SHB: variants seen among roughly 807,000 people sequenced by gnomAD.
The protein encoded by SHB is SH2 domain-containing adapter protein B.
SHB carries 20 observed loss-of-function variants against 52.3 expected under a neutral mutation model. That is an observed-to-expected ratio of 0.38 (90% CI 0.27 to 0.56). The LOEUF (loss-of-function observed/expected upper bound fraction) is 0.56, where lower values mean the gene tolerates loss of function less well. Among genes scored for constraint, SHB ranks in the 20% least tolerant of loss-of-function variants. The probability of loss-of-function intolerance (pLI) is 0.71; values close to 1 mark genes in which losing one functional copy is unlikely to be tolerated. For synonymous variants in SHB, 397 were observed against 316.5 expected, an observed-to-expected ratio of 1.25 and a Z score of -2.70; for missense variants, 825 against 723.3, an observed-to-expected ratio of 1.14 and a Z score of -1.61.
chr9:37,984,531 A>C (rs762682416), intron 2 of SHB, among the ~76,000 whole-genome samples: 4 of 152,170 alleles, frequency 2.6e-5, no homozygotes, highest in Admixed American at 6.5e-5. Flanking sequence ...CAGGCTCCTT[A>C]ACTCCTGGAC....
chr9:37,950,327 G>A (rs943434007), intron 4 of SHB, among the ~76,000 whole-genome samples: 1 of 151,760 alleles, frequency 6.6e-6, no homozygotes, highest in African/African-American at 2.4e-5. Context: ...GTGTAGTGGT[G>A]TGATCACGGC....
chr9:38,066,008 G>A (rs1821956105), intron 1 of SHB, among the ~76,000 whole-genome samples: 1 of 152,112 alleles, frequency 6.6e-6, no homozygotes, highest in African/African-American at 2.4e-5. Context: ...GTAACACGAG[G>A]TCTCATCATA....
At chr9:38,052,988 T>C (rs1351599097) in intron 1 of SHB, among the ~76,000 whole-genome samples, 1 of 152,244 alleles carries the variant, frequency 6.6e-6, no homozygotes, top group Non-Finnish European at 1.5e-5. Flanking sequence ...AATGTGCCTA[T>C]GGGGAGTACC....
intron 1 of SHB, among the ~76,000 whole-genome samples, chr9:38,031,091 G>A (rs1262406189): frequency 2.6e-5 from 4 of 152,234 alleles, no homozygotes; most frequent in Non-Finnish European, 4.4e-5. Flanking sequence ...GGAAGCCAAG[G>A]TGGGAGCATC....
At chr9:37,961,851 G>A (rs1832695280) in intron 3 of SHB, among the ~76,000 whole-genome samples, 1 of 152,208 alleles carries the variant, frequency 6.6e-6, no homozygotes, top group Non-Finnish European at 1.5e-5. Flanking sequence ...GAGGCATGTA[G>A]GTGTCTTCTC....
rs979343075 is a variant in SHB, at chr9:37,916,429, A to G, written c.*3392T>C. On this transcript the variant is annotated 3_prime_UTR_variant, in exon 6 of 6. Transcript: ENST00000377707. ...TCAATGATATCACCACTTCTGAGAC[A>G]GCGTCTGGGGAGCTACCGGAACTTC... Among the ~76,000 whole-genome samples the G allele has an allele frequency of 6.6e-6, 1 of 152,214 alleles. No individual in the cohort carries two copies. The highest frequency in any genetic ancestry group is 1.5e-5 in the Non-Finnish European group (1 of 68,032).
At chr9:37,936,073 G>A (rs559909592) in intron 5 of SHB, among the ~76,000 whole-genome samples, 41 of 151,530 alleles carry the variant, frequency 2.7e-4, no homozygotes, top group East Asian at 1.2e-3. Context: ...ACAATTAGCC[G>A]GGCGTGGTGA....
intron 2 of SHB, among the ~76,000 whole-genome samples, chr9:37,978,209 G>A (rs969008170): frequency 6.6e-6 from 1 of 152,234 alleles, no homozygotes; most frequent in African/African-American, 2.4e-5. Context: ...AGGGAAACAT[G>A]TGCAGTGAAC....
chr9:38,038,094 C>T (rs1458028387), intron 1 of SHB, among the ~76,000 whole-genome samples: 1 of 152,228 alleles, frequency 6.6e-6, no homozygotes, highest in African/African-American at 2.4e-5. Flanking sequence ...CCTAACCCTG[C>T]TTTATAGCTT....
chr9:37,969,397 T>C (rs559122057), intron 3 of SHB, among the ~76,000 whole-genome samples: 60 of 152,320 alleles, frequency 3.9e-4, no homozygotes, highest in Non-Finnish European at 6.9e-4. Flanking sequence ...AGGGTGATTA[T>C]GAGGATTGAA....
At position 37,953,014 on chromosome 9, in the gene SHB, G is replaced by A. The variant is rs537613219; in HGVS notation, c.1226+2869C>T. 1.3e-5 allele frequency among the ~76,000 whole-genome samples: 2 copies of A among 152,092 alleles called. 1 individual carries two copies. Among genetic ancestry groups the A allele is most frequent in the South Asian group, 4.2e-4 (2 of 4,816 alleles). Reference sequence around the variant, plus strand: ...AACCCAGGGAGAGCACGTAGTTGGAGACTGAGCCCTGGAAAGTCAGACCTT... The same window carrying A: ...AACCCAGGGAGAGCACGTAGTTGGAAACTGAGCCCTGGAAAGTCAGACCTT... On this transcript the variant is annotated intron_variant, in intron 4 of 5. Coordinates refer to ENST00000377707, the MANE Select transcript of SHB (RefSeq NM_003028.3).
chr9:37,916,885 T>C lies in SHB; in HGVS notation c.*2936A>G, dbSNP rs1287048545. ...AGTGGGCAGGCATTATGGTCAATAA[T>C]AAAGCCAGCAAAGAAGGGAGACACA... On this transcript the variant is annotated 3_prime_UTR_variant, in exon 6 of 6. Transcript: ENST00000377707. Among the ~76,000 whole-genome samples the C allele has an allele frequency of 6.6e-6, 1 of 152,054 alleles. No homozygotes were observed. Among genetic ancestry groups the C allele is most frequent in the Non-Finnish European group, 1.5e-5 (1 of 68,008 alleles).
At chr9:37,945,981 A>T (rs1464585141) in intron 5 of SHB, among the ~76,000 whole-genome samples, 3 of 152,088 alleles carry the variant, frequency 2.0e-5, no homozygotes, top group African/African-American at 7.2e-5. Context: ...TTAAAAATGG[A>T]CTTCAATCAA....
chr9:37,945,524 A>AG (rs1463666236), intron 5 of SHB, among the ~76,000 whole-genome samples: 1 of 152,192 alleles, frequency 6.6e-6, no homozygotes, highest in Non-Finnish European at 1.5e-5. Context: ...GGCATTCTTC[A>AG]GGGGAAAGCT....
At chr9:37,920,816 G>A (rs1386630269) in intron 5 of SHB, among the ~76,000 whole-genome samples, 1 of 152,220 alleles carries the variant, frequency 6.6e-6, no homozygotes, top group African/African-American at 2.4e-5. Context: ...AGCATGCCAT[G>A]GAGCAGGGCC....
intron 5 of SHB, among the ~76,000 whole-genome samples, chr9:37,926,012 CA>C (rs1832246971): frequency 6.6e-6 from 1 of 152,164 alleles, no homozygotes; most frequent in Non-Finnish European, 1.5e-5. Flanking sequence ...CCCCCACAGA[CA>C]TGTACTTGCT....
chr9:38,026,717 T>C (rs557245705), intron 1 of SHB, among the ~76,000 whole-genome samples: 32 of 152,374 alleles, frequency 2.1e-4, no homozygotes, highest in African/African-American at 7.2e-4. Context: ...TCATCTAGGC[T>C]GGGAAACCCT....
At chr9:37,953,669 G>A (rs1027563241) in intron 4 of SHB, among the ~76,000 whole-genome samples, 12 of 152,184 alleles carry the variant, frequency 7.9e-5, no homozygotes, top group African/African-American at 2.4e-4. Context: ...CCAGTGCCTC[G>A]GTCTCCCCTC....
At chr9:38,017,208 C>A (rs1821224048) in intron 1 of SHB, among the ~76,000 whole-genome samples, 1 of 152,224 alleles carries the variant, frequency 6.6e-6, no homozygotes, top group Admixed American at 6.5e-5. Flanking sequence ...CCTTTTTGGT[C>A]ACATTTCTGG....
Sources: gnomAD v4.1 joint callset for allele counts (sites outside exome capture counted in the v4.1 genomes callset) on GRCh38, gnomAD v4.1.1 for gene constraint, MANE v1.5 for transcripts, NCBI Gene and HGNC (gene_info 2026-07-23, HGNC 2026-07-21) for gene names.